BACH2: variants seen among roughly 807,000 people sequenced by gnomAD.
BACH2 encodes transcription regulator protein BACH2.
In BACH2, 5 loss-of-function variants were observed where a neutral mutation model predicts 61.8. The observed-to-expected ratio is 0.08, with a 90% CI of 0.04 to 0.17. The LOEUF (loss-of-function observed/expected upper bound fraction) is 0.17. Ranked by LOEUF, BACH2 falls within the 10% of genes least tolerant of loss-of-function variation. The pLI, the probability that BACH2 is intolerant of heterozygous loss-of-function variation, is 1.00. For missense variants in BACH2, 824 were observed against 1,091.1 expected (o/e 0.76, Z 3.45); for synonymous variants, 446 against 440.1 (o/e 1.01, Z -0.17).
Position 90,128,692 on chromosome 6 carries a change from C to T in BACH2, c.-161-39583G>A, listed in dbSNP as rs752045159. 5.9e-5 allele frequency among the ~76,000 whole-genome samples: 9 copies of T among 152,242 alleles called. No individual in the cohort carries two copies. The East Asian group carries it at 7.7e-4, about 13-fold the overall frequency. On this transcript the variant is annotated intron_variant, in intron 4 of 8. Transcript: ENST00000257749. ...ATCTAGAACTAGAAATACCATTTGA[C>T]CCAGCAATCCCATTACTGGGTATAT...
rs969504367 is a variant in BACH2, at chr6:89,930,642, C to G, written c.*1766G>C. ...CCTGTAAACGTGGCTGGGGCCAACA[C>G]GGCCCCAGAGCCAAGGGAAGCTGCT... On this transcript the variant is annotated 3_prime_UTR_variant, in exon 9 of 9. Coordinates refer to ENST00000257749, the MANE Select transcript of BACH2 (RefSeq NM_021813.4). 1.3e-5 allele frequency: 2 copies of G among 152,768 alleles called. No homozygotes were observed. The highest frequency in any genetic ancestry group is 4.8e-5 in the African/African-American group (2 of 41,434). 9.5% of individuals were successfully genotyped at this position (152,768 alleles called of 1,614,324 possible).
At chr6:90,015,552 G>A (rs894406580) in intron 5 of BACH2, among the ~76,000 whole-genome samples, 2 of 151,860 alleles carry the variant, frequency 1.3e-5, no homozygotes, top group African/African-American at 4.8e-5. Context: ...CGTGTTTTTT[G>A]GCTTCCAAAT....
intron 4 of BACH2, among the ~76,000 whole-genome samples, chr6:90,201,974 T>C (rs1217318374): frequency 6.6e-6 from 1 of 152,252 alleles, no homozygotes; most frequent in African/African-American, 2.4e-5. Context: ...GTAGCTCTGT[T>C]AACTTGCTCT....
chr6:90,157,031 C>A (rs1475649857), intron 4 of BACH2, among the ~76,000 whole-genome samples: 1 of 152,114 alleles, frequency 6.6e-6, no homozygotes, highest in South Asian at 2.1e-4. Context: ...TCAAACCTGC[C>A]GCACTCTTCA....
At chr6:90,116,443 A>G (rs1193995020) in intron 4 of BACH2, among the ~76,000 whole-genome samples, 1 of 152,120 alleles carries the variant, frequency 6.6e-6, no homozygotes, top group Non-Finnish European at 1.5e-5. Flanking sequence ...GCTACGTGAT[A>G]AGAACTTATG....
chr6:90,149,061 A>T (rs1784720784), intron 4 of BACH2, among the ~76,000 whole-genome samples: 1 of 152,162 alleles, frequency 6.6e-6, no homozygotes, highest in Admixed American at 6.5e-5. Flanking sequence ...ACAGGCTGCT[A>T]AGGGTTGCCC....
At chr6:90,153,079 C>T (rs73752888) in intron 4 of BACH2, among the ~76,000 whole-genome samples, 1,836 of 152,140 alleles carry the variant, frequency 0.012, 31 homozygotes, top group African/African-American at 0.042. Flanking sequence ...AAAAATAAGA[C>T]GAAATCTCAT....
chr6:90,262,562 T>C (rs536741975), intron 2 of BACH2, among the ~76,000 whole-genome samples: 4 of 152,132 alleles, frequency 2.6e-5, no homozygotes, highest in Non-Finnish European at 5.9e-5. Flanking sequence ...AAAGAATGAA[T>C]GATGTACAGA....
intron 2 of BACH2, among the ~76,000 whole-genome samples, chr6:90,263,171 T>A (rs1365719880): frequency 6.6e-6 from 1 of 152,172 alleles, no homozygotes; most frequent in African/African-American, 2.4e-5. Context: ...GGGAAGCCAG[T>A]TATCACATTG....
chr6:90,282,581 C>T (rs749598767), intron 1 of BACH2, among the ~76,000 whole-genome samples: 28 of 151,984 alleles, frequency 1.8e-4, no homozygotes, highest in Non-Finnish European at 3.7e-4. Context: ...GATTACATGT[C>T]TTTGCTTATT....
chr6:90,286,403 T>C (rs1424173695), intron 1 of BACH2, among the ~76,000 whole-genome samples: 2 of 152,164 alleles, frequency 1.3e-5, no homozygotes, highest in African/African-American at 4.8e-5. Flanking sequence ...ATACGGGACC[T>C]AAAAATCTGC....
At chr6:90,131,355 C>T (rs558553041) in intron 4 of BACH2, among the ~76,000 whole-genome samples, 5 of 152,270 alleles carry the variant, frequency 3.3e-5, no homozygotes, top group South Asian at 2.1e-4. Flanking sequence ...TGTACACTGC[C>T]GGCTGGCTTC....
intron 3 of BACH2, among the ~76,000 whole-genome samples, chr6:90,221,430 T>C (rs1474586914): frequency 1.3e-5 from 2 of 152,182 alleles, no homozygotes. Flanking sequence ...GTCTGATGTA[T>C]ATAAAAATAG....
intron 4 of BACH2, among the ~76,000 whole-genome samples, chr6:90,129,782 A>C (rs769930128): frequency 6.6e-6 from 1 of 152,094 alleles, no homozygotes; most frequent in African/African-American, 2.4e-5. Flanking sequence ...CTGTTGGTGT[A>C]AAGGAATGCT....
At chr6:90,162,800 CT>C (rs981647768) in intron 4 of BACH2, among the ~76,000 whole-genome samples, 34 of 152,186 alleles carry the variant, frequency 2.2e-4, no homozygotes, top group South Asian at 6.2e-4. Flanking sequence ...ATCTCTGATG[CT>C]GCCCATTCTT....
intron 3 of BACH2, among the ~76,000 whole-genome samples, chr6:90,246,437 C>T (rs554054962): frequency 1.3e-4 from 20 of 152,132 alleles, no homozygotes; most frequent in Non-Finnish European, 2.6e-4. Flanking sequence ...GCTCAAAACT[C>T]TTTAAGATAG....
At chr6:90,196,176 A>C (rs1172353673) in intron 4 of BACH2, among the ~76,000 whole-genome samples, 1 of 152,034 alleles carries the variant, frequency 6.6e-6, no homozygotes, top group East Asian at 1.9e-4. Flanking sequence ...ATAAGAAAAT[A>C]TGATTGCAAC....
At chr6:90,203,995 T>C (rs1769049502) in intron 4 of BACH2, among the ~76,000 whole-genome samples, 1 of 152,288 alleles carries the variant, frequency 6.6e-6, no homozygotes, top group East Asian at 1.9e-4. Context: ...CTAATCCTTT[T>C]GTGGCACGGG....
intron 3 of BACH2, among the ~76,000 whole-genome samples, chr6:90,251,707 T>C (rs150884512): frequency 7.2e-5 from 11 of 152,310 alleles, no homozygotes; most frequent in South Asian, 2.1e-4. Context: ...AAGATGCAAC[T>C]TTCCCCTCAG....
Sources: gnomAD v4.1 joint callset for allele counts (sites outside exome capture counted in the v4.1 genomes callset) on GRCh38, gnomAD v4.1.1 for gene constraint, MANE v1.5 for transcripts, NCBI Gene and HGNC (gene_info 2026-07-23, HGNC 2026-07-21) for gene names.